The following PEBP4 variants were observed in gnomAD, a reference collection of about 807,000 sequenced individuals.
The protein encoded by PEBP4 is phosphatidylethanolamine binding protein 4.
PEBP4 carries 22 observed loss-of-function variants against 23.9 expected under a neutral mutation model. That is an observed-to-expected ratio of 0.92 (90% CI 0.66 to 1.31). The LOEUF is 1.31. Ranked by LOEUF, PEBP4 falls within the 40% of genes most tolerant of loss-of-function variation. The pLI is 0.00. For synonymous variants in PEBP4, 112 were observed against 99.3 expected (o/e 1.13, Z -0.76); for missense variants, 324 against 281.7 (o/e 1.15, Z -1.07).
intron 4 of PEBP4, among the ~76,000 whole-genome samples, chr8:22,765,116 TCTTCCTTCCTTC>T (rs113133723): frequency 2.9e-4 from 42 of 145,006 alleles, no homozygotes; most frequent in African/African-American, 7.7e-4. Flanking sequence ...TTCCTTTATT[TCTTCCTTCCTTC>T]CTTCCTTCCT....
chr8:22,742,580 T>C (rs1352254609), intron 4 of PEBP4, among the ~76,000 whole-genome samples: 1 of 152,182 alleles, frequency 6.6e-6, no homozygotes, highest in East Asian at 1.9e-4. Context: ...GGGAGTGCTG[T>C]CTAGCTGCTC....
Position 22,764,271 on chromosome 8 carries a change from C to T in PEBP4, c.358-37051G>A, listed in dbSNP as rs117243360. ...CTTGAATCTAATACACACACACACC[C>T]TCTATCCTGAAAAAATGGAGAAGGA... is the stretch of plus-strand genomic sequence containing the variant. On this transcript the variant is annotated intron_variant, in intron 4 of 6. Coordinates refer to ENST00000256404, the MANE Select transcript of PEBP4 (RefSeq NM_144962.3). Among the ~76,000 whole-genome samples the T allele has an allele frequency of 8.7e-3, 1,320 of 152,254 alleles. 35 individuals are homozygous for T. In the East Asian group the frequency reaches 0.091, roughly 11 times the overall value.
At chr8:22,824,303 C>T (rs763092555) in intron 3 of PEBP4, among the ~76,000 whole-genome samples, 3 of 152,108 alleles carry the variant, frequency 2.0e-5, no homozygotes, top group Non-Finnish European at 4.4e-5. Context: ...TCCCAGAACC[C>T]TCATTCTTCT....
intron 3 of PEBP4, among the ~76,000 whole-genome samples, chr8:22,874,761 T>G (rs945537327): frequency 6.6e-6 from 1 of 152,200 alleles, no homozygotes; most frequent in Non-Finnish European, 1.5e-5. Context: ...AACGCAGCGC[T>G]TCTGTTCTGC....
chr8:22,755,878 C>G (rs1189016321), intron 4 of PEBP4: 1 of 152,120 alleles, frequency 6.6e-6, no homozygotes, highest in Non-Finnish European at 1.5e-5. Context: ...TGCTTAGAGT[C>G]CCTCTCTCTG....
chr8:22,912,911 C>A (rs1443015672), intron 3 of PEBP4, among the ~76,000 whole-genome samples: 1 of 152,186 alleles, frequency 6.6e-6, no homozygotes, highest in African/African-American at 2.4e-5. Context: ...CCCTCCTCAC[C>A]TGCCTTCCCA....
chr8:22,780,005 G>A (rs999221782), intron 4 of PEBP4, among the ~76,000 whole-genome samples: 15 of 151,306 alleles, frequency 9.9e-5, no homozygotes, highest in Admixed American at 4.6e-4. Flanking sequence ...GTGGAGTGCA[G>A]TGGCACGATC....
Position 22,786,838 on chromosome 8 carries a change from T to G in PEBP4, c.357+30799A>C, listed in dbSNP as rs530452591. On this transcript the variant is annotated intron_variant, in intron 4 of 6. Transcript: ENST00000256404. Reference sequence around the variant, plus strand: ...ACCCCCTACCGCTTTTTTTTTTTTTTGAGACAGGGTCTTGCTCTTTCACCC... The same window carrying G: ...ACCCCCTACCGCTTTTTTTTTTTTTGGAGACAGGGTCTTGCTCTTTCACCC... Among the ~76,000 whole-genome samples, 13 of 147,052 alleles carry G rather than the reference T, an allele frequency of 8.8e-5. 1 individual carries two copies. In the South Asian group the frequency reaches 2.7e-3, roughly 30 times the overall value.
intron 3 of PEBP4, among the ~76,000 whole-genome samples, chr8:22,857,220 C>G (rs562117866): frequency 6.8e-6 from 1 of 147,768 alleles, no homozygotes; most frequent in African/African-American, 2.6e-5. Context: ...GTGGACATTT[C>G]CTACTTTAAA....
chr8:22,844,405 A>G (rs1585303085), intron 3 of PEBP4, among the ~76,000 whole-genome samples: 2 of 151,922 alleles, frequency 1.3e-5, no homozygotes, highest in Non-Finnish European at 2.9e-5. Flanking sequence ...ACACCTGGCT[A>G]ATTTTGTATT....
At chr8:22,904,693 A>C (rs571034319) in intron 3 of PEBP4, among the ~76,000 whole-genome samples, 1 of 152,340 alleles carries the variant, frequency 6.6e-6, no homozygotes, top group East Asian at 1.9e-4. Flanking sequence ...TGCATGCATA[A>C]AAGATATAAA....
chr8:22,813,831 C>G (rs1310826546), intron 4 of PEBP4, among the ~76,000 whole-genome samples: 2 of 152,172 alleles, frequency 1.3e-5, no homozygotes, highest in African/African-American at 4.8e-5. Flanking sequence ...AGACTGGAGC[C>G]TAGTCCTGTT....
intron 4 of PEBP4, among the ~76,000 whole-genome samples, chr8:22,777,507 C>A (rs1036300432): frequency 6.6e-6 from 1 of 152,116 alleles, no homozygotes; most frequent in Non-Finnish European, 1.5e-5. Context: ...AGGAAATGAG[C>A]AGGCTTCAGC....
intron 4 of PEBP4, among the ~76,000 whole-genome samples, chr8:22,751,209 C>A (rs1805248505): frequency 3.9e-5 from 6 of 152,144 alleles, no homozygotes; most frequent in Admixed American, 3.9e-4. Context: ...GCAAGGGTGA[C>A]CACTCGGAAC....
chr8:22,888,959 G>A (rs74985101), intron 3 of PEBP4, among the ~76,000 whole-genome samples: 1,758 of 152,294 alleles, frequency 0.012, 21 homozygotes, highest in Non-Finnish European at 0.019. Context: ...TCCAGGCTTC[G>A]GCAAACTCCC....
intron 4 of PEBP4, among the ~76,000 whole-genome samples, chr8:22,759,907 T>C (rs1186200757): frequency 6.6e-6 from 1 of 152,180 alleles, no homozygotes; most frequent in African/African-American, 2.4e-5. Context: ...CTTGCATCTG[T>C]GTGTGCCCTT....
intron 4 of PEBP4, among the ~76,000 whole-genome samples, chr8:22,785,244 G>T (rs1806004835): frequency 6.6e-6 from 1 of 152,104 alleles, no homozygotes; most frequent in African/African-American, 2.4e-5. Flanking sequence ...TATTTTGGAG[G>T]AAAAAAGCCG....
intron 3 of PEBP4, among the ~76,000 whole-genome samples, chr8:22,898,409 A>C (rs1371385408): frequency 0.017 from 2,250 of 132,774 alleles, 152 homozygotes; most frequent in African/African-American, 0.051. Flanking sequence ...AAAAAAAAAA[A>C]AAAAAAAAAA....
intron 3 of PEBP4, among the ~76,000 whole-genome samples, chr8:22,911,402 G>A (rs1037119469): frequency 1.3e-5 from 2 of 152,144 alleles, no homozygotes; most frequent in Admixed American, 6.5e-5. Flanking sequence ...CCAGGCAGTG[G>A]GGGTTTTGGA....
Sources: allele counts gnomAD v4.1 joint callset (sites outside exome capture counted in the v4.1 genomes callset), GRCh38; gene constraint gnomAD v4.1.1; transcripts MANE v1.5; gene names NCBI Gene and HGNC (gene_info 2026-07-23, HGNC 2026-07-21).